PTPRG: variants seen among roughly 807,000 people sequenced by gnomAD.
PTPRG encodes the protein protein tyrosine phosphatase receptor type G.
Under a neutral mutation model 165.3 loss-of-function variants are expected in PTPRG, and 102 were observed. That is an observed-to-expected ratio of 0.62 (90% CI 0.53 to 0.73). PTPRG has a LOEUF of 0.73. Ranked by LOEUF, PTPRG falls within the 30% of genes least tolerant of loss-of-function variation. The pLI, the probability that PTPRG is intolerant of heterozygous loss-of-function variation, is 0.00. For missense variants in PTPRG, 1,866 were observed against 1,861.4 expected (o/e 1.00, Z -0.05); for synonymous variants, 675 against 669.5 (o/e 1.01, Z -0.13).
intron 2 of PTPRG, among the ~76,000 whole-genome samples, chr3:61,916,848 C>T (rs1352618453): frequency 3.3e-5 from 5 of 152,180 alleles, no homozygotes; most frequent in African/African-American, 9.7e-5. Context: ...CATTACAGAT[C>T]TCAAGCTTTT....
chr3:61,658,038 A>G (rs1490617113), intron 1 of PTPRG, among the ~76,000 whole-genome samples: 2 of 152,182 alleles, frequency 1.3e-5, no homozygotes, highest in African/African-American at 4.8e-5. Context: ...ACACTCCATG[A>G]AAATGTTTGG....
chr3:62,257,827 C>T (rs571075632), intron 16 of PTPRG, among the ~76,000 whole-genome samples: 7 of 151,932 alleles, frequency 4.6e-5, no homozygotes, highest in Non-Finnish European at 7.4e-5. Context: ...GGTGTGGTGA[C>T]GCACAACTGT....
At position 62,132,672 on chromosome 3, in the gene PTPRG, A is replaced by C; in HGVS notation, c.682+4A>C. Reference sequence around the variant, plus strand: ...TTGAAGGGTGTCGTACATCATGGTAAGTATGCCACATACACTTCCTTTTGC... The same window carrying C: ...TTGAAGGGTGTCGTACATCATGGTACGTATGCCACATACACTTCCTTTTGC... On this transcript the variant is annotated splice_donor_region_variant and intron_variant, in intron 6 of 29. Coordinates refer to ENST00000474889, the MANE Select transcript of PTPRG (RefSeq NM_002841.4). The C allele has an allele frequency of 2.5e-6, 4 of 1,602,106 alleles. No individual in the cohort carries two copies. Among genetic ancestry groups the C allele is most frequent in the Non-Finnish European group, 3.4e-6 (4 of 1,169,076 alleles).
intron 5 of PTPRG, among the ~76,000 whole-genome samples, chr3:62,095,214 G>A (rs894683739): frequency 6.6e-6 from 1 of 152,184 alleles, no homozygotes; most frequent in African/African-American, 2.4e-5. Context: ...GACAGTCTTG[G>A]TGTCAGAGGG....
At chr3:61,689,253 T>G (rs990049016) in intron 1 of PTPRG, among the ~76,000 whole-genome samples, 8 of 152,260 alleles carry the variant, frequency 5.3e-5, no homozygotes, top group African/African-American at 1.9e-4. Flanking sequence ...GAGTGATTCC[T>G]ATAACTGCTT....
chr3:61,999,722 A>G (rs1340938831), intron 3 of PTPRG, among the ~76,000 whole-genome samples: 1 of 152,202 alleles, frequency 6.6e-6, no homozygotes, highest in Non-Finnish European at 1.5e-5. Context: ...TATTGGAAAA[A>G]CCAGTTCTGT....
At position 61,855,387 on chromosome 3, in the gene PTPRG, T is replaced by C. The variant is rs116188625; in HGVS notation, c.190+106405T>C. Among the ~76,000 whole-genome samples the C allele has an allele frequency of 3.9e-3, 589 of 152,314 alleles. 1 individual carries two copies. The highest frequency in any genetic ancestry group is 0.014 in the African/African-American group (578 of 41,574). On this transcript the variant is annotated intron_variant, in intron 2 of 29. Transcript: ENST00000474889. ...ATTAATCTCCTCTAGACTTTCATGGTGTAGAGAAAGATGTTCTCATACCCC... is the reference window on the plus strand; with the variant it reads ...ATTAATCTCCTCTAGACTTTCATGGCGTAGAGAAAGATGTTCTCATACCCC...
In PTPRG at chr3:61,820,634, T is replaced by C. The variant is rs71296739; in HGVS notation, c.190+71652T>C. 2.2e-5 allele frequency among the ~76,000 whole-genome samples: 3 copies of C among 135,140 alleles called. No individual in the cohort carries two copies. In the South Asian group the frequency reaches 7.4e-4, roughly 33 times the overall value. 88.7% of individuals were successfully genotyped at this position (135,140 alleles called of 152,430 possible). A position where few individuals can be genotyped will look rare whatever the true frequency, so the allele number is the denominator to read the frequency against. On this transcript the variant is annotated intron_variant, in intron 2 of 29. Coordinates refer to ENST00000474889, the MANE Select transcript of PTPRG (RefSeq NM_002841.4). ...TTTTTTTTTTTTTTTTTTTTTACTG[T>C]GGCTTTAGGGATAAAACAGTAATTT... is the stretch of plus-strand genomic sequence containing the variant.
intron 2 of PTPRG, chr3:61,753,499 A>G (rs941392956): frequency 5.2e-6 from 2 of 382,156 alleles, no homozygotes; most frequent in East Asian, 7.4e-5. Flanking sequence ...ACAAAGAGTA[A>G]CACATGCTAG....
chr3:61,940,704 G>C (rs937149502), intron 2 of PTPRG, among the ~76,000 whole-genome samples: 1 of 149,844 alleles, frequency 6.7e-6, no homozygotes, highest in Non-Finnish European at 1.5e-5. Flanking sequence ...CGCTCTGTTG[G>C]CCAGGCTGGA....
At chr3:61,723,905 T>C (rs2032150424) in intron 1 of PTPRG, among the ~76,000 whole-genome samples, 2 of 152,318 alleles carry the variant, frequency 1.3e-5, no homozygotes, top group South Asian at 2.1e-4. Context: ...TGGCATCCAC[T>C]AATCTGTCTT....
intron 2 of PTPRG, among the ~76,000 whole-genome samples, chr3:61,937,049 A>T (rs960813082): frequency 6.6e-6 from 1 of 152,166 alleles, no homozygotes; most frequent in African/African-American, 2.4e-5. Flanking sequence ...GGATGCTATG[A>T]ACTAAAATGG....
chr3:61,579,694 G>A (rs946735691), intron 1 of PTPRG, among the ~76,000 whole-genome samples: 3 of 152,202 alleles, frequency 2.0e-5, no homozygotes, highest in Non-Finnish European at 2.9e-5. Context: ...CCATCTACGC[G>A]CAGCTTGTGA....
At position 62,281,551 on chromosome 3, in the gene PTPRG, T is replaced by TTTTTTTTTTTTTTTTTTTTTTAAA. The variant is rs1553667465; in HGVS notation, c.3766-12_3766-11insTTTTTTTTTTTTTTTTTTTTTAAA. On this transcript the variant is annotated splice_polypyrimidine_tract_variant and intron_variant, in intron 26 of 29. Transcript: ENST00000474889. ...GAACTGCAGAGGCTTTTTTTTTTTT[T>TTTTTTTTTTTTTTTTTTTTTTAAA]GGATTCCAAAGGCAGAAGATGAGTT... The TTTTTTTTTTTTTTTTTTTTTTAAA allele has an allele frequency of 6.8e-7, 1 of 1,460,744 alleles. No homozygotes were observed. Among genetic ancestry groups the TTTTTTTTTTTTTTTTTTTTTTAAA allele is most frequent in the African/African-American group, 1.5e-5 (1 of 68,200 alleles). 90.5% of individuals were successfully genotyped at this position (1,460,744 alleles called of 1,614,324 possible).
At chr3:62,075,748 C>T (rs1054331458) in intron 4 of PTPRG, among the ~76,000 whole-genome samples, 1 of 152,136 alleles carries the variant, frequency 6.6e-6, no homozygotes, top group Non-Finnish European at 1.5e-5. Flanking sequence ...CCTTCTGGGA[C>T]TTTATTGTTC....
chr3:62,201,949 T>A (rs1700104738), intron 11 of PTPRG, among the ~76,000 whole-genome samples: 1 of 152,286 alleles, frequency 6.6e-6, no homozygotes, highest in South Asian at 2.1e-4. Flanking sequence ...TATCTTAGTT[T>A]CCCCATTCCT....
At chr3:62,234,110 C>T (rs1026063882) in intron 14 of PTPRG, among the ~76,000 whole-genome samples, 1 of 152,136 alleles carries the variant, frequency 6.6e-6, no homozygotes, top group Non-Finnish European at 1.5e-5. Context: ...CATATGCAAT[C>T]ATGTGCCTTG....
chr3:61,670,948 CGATCAGGTTAGGT>C, intron 1 of PTPRG, among the ~76,000 whole-genome samples: 1 of 151,904 alleles, frequency 6.6e-6, no homozygotes, highest in Admixed American at 6.6e-5. Context: ...GAAGCCGGAG[CGATCAGGTTAGGT>C]GAGGCCATGC....
chr3:61,844,799 G>A (rs955247318), intron 2 of PTPRG, among the ~76,000 whole-genome samples: 1 of 151,934 alleles, frequency 6.6e-6, no homozygotes, highest in Non-Finnish European at 1.5e-5. Flanking sequence ...CACCACACCT[G>A]GCCAGCATCT....
Sources: gnomAD v4.1 joint callset for allele counts (sites outside exome capture counted in the v4.1 genomes callset) on GRCh38, gnomAD v4.1.1 for gene constraint, MANE v1.5 for transcripts, NCBI Gene and HGNC (gene_info 2026-07-23, HGNC 2026-07-21) for gene names.